MORC3: variants seen among roughly 807,000 people sequenced by gnomAD.
MORC3 encodes the protein MORC family CW-type zinc finger protein 3.
A neutral mutation model predicts 109.1 loss-of-function variants in MORC3; 31 were observed. The ratio of observed to expected loss-of-function variants is 0.28; its 90% CI spans 0.21 to 0.38. The LOEUF is 0.38. MORC3 is among the 10% of genes least tolerant of loss of function. The pLI is 1.00. For missense variants in MORC3, 867 were observed against 1,135.8 expected (o/e 0.76, Z 3.40); for synonymous variants, 395 against 380.7 (o/e 1.04, Z -0.44).
Position 36,336,950 on chromosome 21 carries a change from G to A in MORC3, c.189G>A (p.Leu63=). 1 of 1,612,824 alleles carries A rather than the reference G, an allele frequency of 6.2e-7. No individual in the cohort carries two copies. The highest frequency in any genetic ancestry group is 8.5e-7 in the Non-Finnish European group (1 of 1,179,364). The change falls in exon 3 of 17, where the codon TTG becomes TTA. Residue 63 remains leucine, a synonymous_variant. Coordinates refer to ENST00000400485, the MANE Select transcript of MORC3 (RefSeq NM_015358.3). ...CAGTGATAAATGACCATATATGCTT[G>A]ACATTCACCGACAATGGGAATGGTA... ...DKTVINDHIC[L]TFTDNGNGMT... is the part of the protein sequence containing the mutation.
intron 2 of MORC3, among the ~76,000 whole-genome samples, chr21:36,336,096 T>G (rs2085372737): frequency 6.6e-6 from 1 of 151,284 alleles, no homozygotes; most frequent in Admixed American, 6.6e-5. Flanking sequence ...TGGCTAATTT[T>G]TTTTTTTTTT....
rs1012137638 is a variant in MORC3, at chr21:36,359,804, C to A, written c.1209-151C>A. 1.1e-4 allele frequency: 124 copies of A among 1,100,116 alleles called. No individual in the cohort carries two copies. The African/African-American group carries it at 1.5e-3, about 13-fold the overall frequency. 68.1% of individuals were successfully genotyped at this position (1,100,116 alleles called of 1,614,324 possible). A position where few individuals can be genotyped will look rare whatever the true frequency, so the allele number is the denominator to read the frequency against. ...TCCTGGGATTATAGGCATGAGCCGT[C>A]GCACCCAGCCTAATTTTGAAAGAGT... On this transcript the variant is annotated intron_variant, in intron 10 of 16. Transcript: ENST00000400485.
chr21:36,360,282 T>A, intron 12 of MORC3, 24 bp downstream of exon 12: 1 of 1,587,866 alleles, frequency 6.3e-7, no homozygotes, highest in Admixed American at 1.7e-5. Context: ...TGATGTATAG[T>A]GGGTAATAAT....
chr21:36,370,635 A>ATTTTT (rs1361206395), intron 15 of MORC3, among the ~76,000 whole-genome samples: 16 of 42,004 alleles, frequency 3.8e-4, no homozygotes, highest in Non-Finnish European at 6.7e-4. Context: ...ATATATATAT[A>ATTTTT]TATATTTTTT....
chr21:36,342,510 C>T (rs2085460736), intron 6 of MORC3, among the ~76,000 whole-genome samples: 1 of 152,044 alleles, frequency 6.6e-6, no homozygotes, highest in Non-Finnish European at 1.5e-5. Flanking sequence ...CCAAGCAATC[C>T]TTCCACCTCA....
chr21:36,370,322 A>C (rs938742425), intron 15 of MORC3, among the ~76,000 whole-genome samples: 1 of 152,148 alleles, frequency 6.6e-6, no homozygotes, highest in African/African-American at 2.4e-5. Flanking sequence ...TCCTGGAGGC[A>C]TATGGAATTG....
At chr21:36,350,889 G>T (rs1361467734) in intron 9 of MORC3, among the ~76,000 whole-genome samples, 1 of 152,052 alleles carries the variant, frequency 6.6e-6, no homozygotes, top group Admixed American at 6.6e-5. Flanking sequence ...TGGAATACAT[G>T]TGATATTTTG....
Position 36,368,991 on chromosome 21 carries a change from G to A in MORC3, c.1623G>A (p.Leu541=), listed in dbSNP as rs758936940. 6.3e-7 allele frequency: 1 copy of A among 1,598,934 alleles called. No homozygotes were observed. The part of the protein sequence containing the change: ...PPQSEPESNS[L]KRRLSTRSSI... ...TTATGTATAAAATTTTTTTCAGCTT[G>A]AAACGGAGACTTTCTACTCGTTCCT... is the stretch of plus-strand genomic sequence containing the variant. The change falls in exon 15 of 17, where the codon TTG becomes TTA. Residue 541 remains leucine, a synonymous_variant. Coordinates refer to ENST00000400485, the MANE Select transcript of MORC3 (RefSeq NM_015358.3).
At chr21:36,320,539 G>T (rs2085179267) in intron 1 of MORC3, 2 of 356,486 alleles carry the variant, frequency 5.6e-6, no homozygotes, top group African/African-American at 2.1e-5. Flanking sequence ...GGCGGGCCAG[G>T]GTCGCGGCTC....
chr21:36,351,487 G>A (rs2085572142), intron 9 of MORC3, among the ~76,000 whole-genome samples: 1 of 152,066 alleles, frequency 6.6e-6, no homozygotes, highest in Admixed American at 6.6e-5. Flanking sequence ...TGTCCTGAGG[G>A]CAGTATTTTT....
At chr21:36,347,266 C>T (rs1170022559) in intron 8 of MORC3, among the ~76,000 whole-genome samples, 2 of 152,226 alleles carry the variant, frequency 1.3e-5, no homozygotes, top group Non-Finnish European at 2.9e-5. Context: ...GGGGTTCTGA[C>T]TCTGCTTCAC....
chr21:36,372,980 T>C (rs76521891), intron 16 of MORC3, among the ~76,000 whole-genome samples: 4,082 of 152,260 alleles, frequency 0.027, 175 homozygotes, highest in African/African-American at 0.09. Context: ...CTCTAATCTT[T>C]TAGGAAATTG....
At chr21:36,340,265 G>A (rs1427947515) in intron 5 of MORC3, among the ~76,000 whole-genome samples, 10 of 145,620 alleles carry the variant, frequency 6.9e-5, no homozygotes, top group African/African-American at 1.3e-4. Flanking sequence ...GCGAAAGAGC[G>A]AGACTCTGTC....
Position 36,349,331 on chromosome 21 carries a change from A to C in MORC3, c.1026A>C (p.Gly342=), listed in dbSNP as rs764686617. The C allele has an allele frequency of 7.5e-6, 12 of 1,609,330 alleles. No individual in the cohort carries two copies. Among genetic ancestry groups the C allele is most frequent in the Non-Finnish European group, 1.0e-5 (12 of 1,178,682 alleles). The part of the protein sequence containing the change: ...CQLRANNMGV[G]VVGIIECNFL... ...TTCAGGCAAACAACATGGGTGTTGG[A>C]GTGGTTGGAATTATAGAGTGTAATT... The change falls in exon 9 of 17, where the codon GGA becomes GGC. Residue 342 remains glycine (G), a synonymous_variant. Coordinates refer to ENST00000400485, the MANE Select transcript of MORC3 (RefSeq NM_015358.3).
At chr21:36,338,074 C>T in intron 4 of MORC3, 128 bp downstream of exon 4, 1 of 923,146 alleles carries the variant, frequency 1.1e-6, no homozygotes, top group South Asian at 1.7e-5. Context: ...TACCTCTGTC[C>T]TCTGCATTTA....
chr21:36,359,816 A>G, intron 10 of MORC3, 139 bp from the exon 11 acceptor site: 1 of 1,268,990 alleles, frequency 7.9e-7, no homozygotes, highest in Non-Finnish European at 1.1e-6. Flanking sequence ...CACCCAGCCT[A>G]ATTTTGAAAG....
In MORC3 at chr21:36,369,434, C is replaced by T. The variant is rs959607556; in HGVS notation, c.2066C>T (p.Ala689Val). 2 of 1,614,018 alleles carry T rather than the reference C, an allele frequency of 1.2e-6. No individual in the cohort carries two copies. The highest frequency in any genetic ancestry group is 1.7e-6 in the Non-Finnish European group (2 of 1,180,042). Residue 689 changes from alanine to valine, a missense_variant, in exon 15 of 17, where the codon GCA becomes GTA. Physicochemically the swap from Ala to Val is moderately conservative, Grantham distance 64 (BLOSUM62 0). Transcript: ENST00000400485. ...HETQETTDKS[A>V]DDAGCQLQEL... ...ACCCAGGAAACCACCGATAAATCTG[C>T]AGATGATGCAGGCTGCCAATTACAA...
In MORC3 at chr21:36,371,143, G is replaced by A. The variant is rs117307522; in HGVS notation, c.2509-1231G>A. ...TCATATGCCCCTACTTCAAATTCAG[G>A]TAGCTCCTTTTAATCTATTTTATAC... On this transcript the variant is annotated intron_variant, in intron 15 of 16. Coordinates refer to ENST00000400485, the MANE Select transcript of MORC3 (RefSeq NM_015358.3). Among the ~76,000 whole-genome samples, 1,257 of 152,234 alleles carry A rather than the reference G, an allele frequency of 8.3e-3. 11 individuals are homozygous for A. The highest frequency in any genetic ancestry group is 0.011 in the Non-Finnish European group (778 of 68,028).
At chr21:36,338,639 C>G (rs1185494049) in intron 4 of MORC3, 135 bp from the exon 5 acceptor site, 19 of 840,190 alleles carry the variant, frequency 2.3e-5, no homozygotes, top group Non-Finnish European at 3.3e-5. Flanking sequence ...ATAGTGAGAC[C>G]CTATCTCACA....
Sources: gnomAD v4.1 joint callset for allele counts (sites outside exome capture counted in the v4.1 genomes callset) on GRCh38, gnomAD v4.1.1 for gene constraint, MANE v1.5 for transcripts, NCBI Gene and HGNC (gene_info 2026-07-23, HGNC 2026-07-21) for gene names.